Variants in KIF26B observed in about 807,000 individuals in gnomAD.
KIF26B encodes the protein kinesin family member 26B.
KIF26B carries 63 observed loss-of-function variants against 151.2 expected under a neutral mutation model. The ratio of observed to expected loss-of-function variants is 0.42; its 90% CI spans 0.34 to 0.51. The LOEUF is 0.51. KIF26B is among the 20% of genes least tolerant of loss of function. The pLI, the probability that KIF26B is intolerant of heterozygous loss-of-function variation, is 0.07. For synonymous variants in KIF26B, 1,357 were observed against 1,262.1 expected (o/e 1.08, Z -1.59); for missense variants, 2,813 against 2,913.6 (o/e 0.97, Z 0.79).
At chr1:245,576,621 C>G (rs1013309812) in intron 5 of KIF26B, among the ~76,000 whole-genome samples, 1 of 152,160 alleles carries the variant, frequency 6.6e-6, no homozygotes, top group African/African-American at 2.4e-5. Context: ...CTGGTGTTCC[C>G]CAGGCCTTTT....
At chr1:245,384,051 C>T (rs1015227983) in intron 3 of KIF26B, among the ~76,000 whole-genome samples, 2 of 152,188 alleles carry the variant, frequency 1.3e-5, no homozygotes, top group East Asian at 3.8e-4. Context: ...TGACCTCGGG[C>T]AGGTTTTCTA....
At chr1:245,260,798 G>A (rs370734977) in intron 2 of KIF26B, among the ~76,000 whole-genome samples, 5 of 152,324 alleles carry the variant, frequency 3.3e-5, no homozygotes, top group African/African-American at 1.2e-4. Context: ...CCAAGCTCCC[G>A]ACTGCAGACA....
chr1:245,688,660 G>C lies in KIF26B; in HGVS notation c.5677G>C (p.Gly1893Arg). ...MGKTALFYHS[G>R]GSSGYESVMR... ...GAAGACGGCCCTGTTCTACCACAGC[G>C]GCGGCAGCAGCGGCTACGAGAGCGT... Residue 1893 changes from glycine to arginine, a missense_variant, in exon 12 of 15, where the codon GGC becomes CGC. Gly to Arg is a moderately radical substitution (Grantham distance 125). Coordinates refer to ENST00000407071, the MANE Select transcript of KIF26B (RefSeq NM_018012.4). 7 of 1,603,950 alleles carry C rather than the reference G, an allele frequency of 4.4e-6. No individual in the cohort carries two copies. The highest frequency in any genetic ancestry group is 5.9e-6 in the Non-Finnish European group (7 of 1,176,668).
At chr1:245,629,063 G>A (rs1247466679) in intron 9 of KIF26B, among the ~76,000 whole-genome samples, 1 of 152,096 alleles carries the variant, frequency 6.6e-6, no homozygotes, top group Non-Finnish European at 1.5e-5. Flanking sequence ...CCCCTTCAAG[G>A]AGAACTACAA....
chr1:245,200,116 C>T (rs891011173), intron 2 of KIF26B, among the ~76,000 whole-genome samples: 6 of 152,182 alleles, frequency 3.9e-5, no homozygotes, highest in African/African-American at 9.7e-5. Context: ...TAATCCCACA[C>T]GACTATTTCT....
intron 2 of KIF26B, among the ~76,000 whole-genome samples, chr1:245,355,104 T>C (rs1672660762): frequency 1.3e-5 from 2 of 152,034 alleles, no homozygotes; most frequent in African/African-American, 4.8e-5. Flanking sequence ...GTATTTTGTT[T>C]AGTAGAGACA....
At chr1:245,162,583 A>G (rs1668551528) in intron 2 of KIF26B, among the ~76,000 whole-genome samples, 1 of 151,852 alleles carries the variant, frequency 6.6e-6, no homozygotes, top group South Asian at 2.1e-4. Flanking sequence ...ATGGGGTTTC[A>G]CCATATTGGT....
chr1:245,308,054 G>A (rs143231867), intron 2 of KIF26B, among the ~76,000 whole-genome samples: 8 of 152,078 alleles, frequency 5.3e-5, no homozygotes, highest in African/African-American at 1.7e-4. Flanking sequence ...CATCTGACTC[G>A]TTTCTATTAC....
chr1:245,485,763 G>T (rs1232003574), intron 4 of KIF26B, among the ~76,000 whole-genome samples: 1 of 152,354 alleles, frequency 6.6e-6, no homozygotes, highest in South Asian at 2.1e-4. Context: ...GCGATGCTGT[G>T]TAGCCGTTTT....
chr1:245,399,151 C>T (rs577574553), intron 3 of KIF26B, among the ~76,000 whole-genome samples: 61 of 152,252 alleles, frequency 4.0e-4, no homozygotes, highest in Admixed American at 1.2e-3. Context: ...GATTGCATTT[C>T]GTTGTCGTGT....
chr1:245,450,946 G>A (rs1394934533), intron 4 of KIF26B, among the ~76,000 whole-genome samples: 1 of 152,140 alleles, frequency 6.6e-6, no homozygotes, highest in African/African-American at 2.4e-5. Context: ...GTAATTTCTT[G>A]CTAGATTTCA....
intron 10 of KIF26B, among the ~76,000 whole-genome samples, chr1:245,670,572 T>A (rs12564651): frequency 0.31 from 46,460 of 151,706 alleles, 8,852 homozygotes; most frequent in Non-Finnish European, 0.42. Flanking sequence ...CAGATACTTG[T>A]ATACCAATGC....
intron 6 of KIF26B, among the ~76,000 whole-genome samples, chr1:245,604,762 T>C (rs2043432554): frequency 6.6e-6 from 1 of 152,258 alleles, no homozygotes; most frequent in East Asian, 1.9e-4. Flanking sequence ...TTTCGCTCAT[T>C]TCAGAATGCC....
intron 14 of KIF26B, among the ~76,000 whole-genome samples, chr1:245,699,505 A>G (rs2147969097): frequency 6.6e-6 from 1 of 152,294 alleles, no homozygotes; most frequent in East Asian, 1.9e-4. Context: ...AAAAAAAAAA[A>G]AAAAGACAGC....
chr1:245,337,165 TA>T (rs1262557905), intron 2 of KIF26B, among the ~76,000 whole-genome samples: 1 of 151,172 alleles, frequency 6.6e-6, no homozygotes, highest in Non-Finnish European at 1.5e-5. Context: ...TTTATTTATT[TA>T]TTTATTTATC....
At chr1:245,175,901 C>CAT (rs1435075155) in intron 2 of KIF26B, among the ~76,000 whole-genome samples, 3 of 147,616 alleles carry the variant, frequency 2.0e-5, no homozygotes, top group African/African-American at 7.6e-5. Flanking sequence ...CTTCTCAAAA[C>CAT]ATATATATCT....
intron 2 of KIF26B, among the ~76,000 whole-genome samples, chr1:245,282,008 C>G (rs997758687): frequency 3.3e-5 from 5 of 152,034 alleles, no homozygotes; most frequent in African/African-American, 1.2e-4. Flanking sequence ...GTTACTGTAG[C>G]CTTGTAGTAT....
chr1:245,240,122 A>C (rs1670187683), intron 2 of KIF26B, among the ~76,000 whole-genome samples: 1 of 152,092 alleles, frequency 6.6e-6, no homozygotes, highest in Non-Finnish European at 1.5e-5. Flanking sequence ...GTCAGCCGAG[A>C]TCGTGCTTCC....
chr1:245,317,890 C>A (rs928414299), intron 2 of KIF26B, among the ~76,000 whole-genome samples: 2 of 152,174 alleles, frequency 1.3e-5, no homozygotes, highest in African/African-American at 4.8e-5. Flanking sequence ...AGTTTGCTAA[C>A]GTAGAGTGGC....
Sources: gnomAD v4.1 joint callset for allele counts (sites outside exome capture counted in the v4.1 genomes callset) on GRCh38, gnomAD v4.1.1 for gene constraint, MANE v1.5 for transcripts, NCBI Gene and HGNC (gene_info 2026-07-23, HGNC 2026-07-21) for gene names.